The following DACH2 variants were observed in gnomAD, a reference collection of about 807,000 sequenced individuals.
DACH2 encodes dachshund family transcription factor 2.
Under a neutral mutation model 35.8 loss-of-function variants are expected in DACH2, and 17 were observed. The observed-to-expected ratio is 0.48, with a 90% CI of 0.33 to 0.71. The LOEUF (loss-of-function observed/expected upper bound fraction) is 0.71, where lower values mean the gene tolerates loss of function less well. DACH2 is among the 30% of genes least tolerant of loss of function. The probability of loss-of-function intolerance (pLI) is 0.02; values close to 1 mark genes in which losing one functional copy is unlikely to be tolerated. For synonymous variants in DACH2, 195 were observed against 177.3 expected (o/e 1.10, Z -0.79); for missense variants, 469 against 472.7 (o/e 0.99, Z 0.07).
intron 3 of DACH2, among the ~76,000 whole-genome samples, chrX:86,582,589 T>C (rs910803289): frequency 9.0e-6 from 1 of 110,590 alleles, no homozygotes; most frequent in African/African-American, 3.3e-5. Context: ...AGCATCTCTA[T>C]GCACACAACT....
chrX:86,315,838 C>CAGAGAGAGAG (rs1441850166), intron 1 of DACH2, among the ~76,000 whole-genome samples: 7 of 77,052 alleles, frequency 9.1e-5, no homozygotes, highest in African/African-American at 2.7e-4. Flanking sequence ...CACACACACA[C>CAGAGAGAGAG]ACAGAGAGAG....
intron 1 of DACH2, among the ~76,000 whole-genome samples, chrX:86,372,732 C>T (rs761521158): frequency 4.1e-4 from 45 of 110,646 alleles, no homozygotes; most frequent in Non-Finnish European, 6.8e-4. Context: ...GGGTATATTG[C>T]GTGTTGCTGA....
intron 1 of DACH2, among the ~76,000 whole-genome samples, chrX:86,302,504 A>G (rs2034593536): frequency 9.0e-6 from 1 of 110,995 alleles, no homozygotes; most frequent in Non-Finnish European, 1.9e-5. Context: ...GCAATTCTTT[A>G]TTTATATCTT....
chrX:86,472,370 G>A (rs2037773496), intron 2 of DACH2, among the ~76,000 whole-genome samples: 1 of 111,655 alleles, frequency 9.0e-6, no homozygotes, highest in African/African-American at 3.3e-5. Context: ...AGAAAAGGTA[G>A]GGAAATGGAT....
intron 2 of DACH2, among the ~76,000 whole-genome samples, chrX:86,425,898 A>G (rs1454168427): frequency 9.0e-6 from 1 of 111,157 alleles, no homozygotes. Flanking sequence ...GTAGTAGAAG[A>G]ACAAGTGTGC....
At chrX:86,740,899 A>G (rs2041648275) in intron 7 of DACH2, among the ~76,000 whole-genome samples, 1 of 111,247 alleles carries the variant, frequency 9.0e-6, no homozygotes, top group South Asian at 3.8e-4. Flanking sequence ...TTCCTTCTAT[A>G]TAATTCTACT....
chrX:86,543,901 G>A (rs1260176261), intron 3 of DACH2, among the ~76,000 whole-genome samples: 1 of 106,403 alleles, frequency 9.4e-6, no homozygotes, highest in Non-Finnish European at 1.9e-5. Flanking sequence ...CGAGTTAGTG[G>A]GTGCAGCGCA....
chrX:86,444,462 C>T (rs746552745), intron 2 of DACH2, among the ~76,000 whole-genome samples: 109 of 111,462 alleles, frequency 9.8e-4, no homozygotes, highest in African/African-American at 3.3e-3. Context: ...TGATAGTAAA[C>T]CTTTTATTAC....
At chrX:86,392,867 A>T (rs2036225015) in intron 2 of DACH2, among the ~76,000 whole-genome samples, 1 of 111,342 alleles carries the variant, frequency 9.0e-6, no homozygotes, top group Non-Finnish European at 1.9e-5. Flanking sequence ...GTCCTATGCC[A>T]GTGGTTCTCA....
intron 2 of DACH2, among the ~76,000 whole-genome samples, chrX:86,402,869 A>T (rs1210309505): frequency 8.9e-6 from 1 of 112,077 alleles, no homozygotes; most frequent in Non-Finnish European, 1.9e-5. Context: ...GAAAACTAAG[A>T]AATAAATCCA....
chrX:86,368,233 G>A (rs1185929289), intron 1 of DACH2, among the ~76,000 whole-genome samples: 1 of 111,867 alleles, frequency 8.9e-6, no homozygotes, highest in Non-Finnish European at 1.9e-5. Context: ...TGTATACCAG[G>A]AAATCAAGTG....
At chrX:86,663,660 C>T (rs966160783) in intron 4 of DACH2, among the ~76,000 whole-genome samples, 8 of 111,630 alleles carry the variant, frequency 7.2e-5, no homozygotes, top group East Asian at 5.7e-4. Context: ...TCCTAATGAA[C>T]GGTATTTCTA....
rs890048760 is a variant in DACH2 at position 86,420,754 on chromosome X, G to C, written c.527+43892G>C. ...TAACATTTAAAGAACACAAGAAATT[G>C]TAAACGTTTAAAGTTATTTGCTTCA... On this transcript the variant is annotated intron_variant, in intron 2 of 11. Transcript: ENST00000373125. Among the ~76,000 whole-genome samples the C allele has an allele frequency of 2.7e-5, 3 of 111,093 alleles. No individual in the cohort carries two copies. In the Admixed American group the frequency reaches 2.9e-4, roughly 11 times the overall value.
At chrX:86,507,463 CAAAAAAAAAAA>C (rs34617943) in intron 2 of DACH2, among the ~76,000 whole-genome samples, 1 of 47,645 alleles carries the variant, frequency 2.1e-5, no homozygotes, top group Non-Finnish European at 3.8e-5. Context: ...AGTGACCTTT[CAAAAAAAAAAA>C]AAAAAAAAAA....
chrX:86,631,951 T>A (rs1458683624), intron 3 of DACH2, among the ~76,000 whole-genome samples: 8 of 111,182 alleles, frequency 7.2e-5, no homozygotes, highest in Non-Finnish European at 1.5e-4. Flanking sequence ...CATGCATGAA[T>A]GATTAAAAAA....
chrX:86,361,606 T>G (rs949879792), intron 1 of DACH2, among the ~76,000 whole-genome samples: 1 of 111,801 alleles, frequency 8.9e-6, no homozygotes, highest in Non-Finnish European at 1.9e-5. Context: ...ACAGTGAATT[T>G]AATTGATGCC....
intron 1 of DACH2, among the ~76,000 whole-genome samples, chrX:86,260,431 T>G (rs1267416903): frequency 8.9e-6 from 1 of 111,905 alleles, no homozygotes; most frequent in East Asian, 2.8e-4. Context: ...GTCACTGAGC[T>G]GGGTTCTCCG....
intron 3 of DACH2, among the ~76,000 whole-genome samples, chrX:86,591,725 A>T (rs1337858406): frequency 9.1e-6 from 1 of 109,580 alleles, no homozygotes; most frequent in Non-Finnish European, 1.9e-5. Context: ...TTTAGTAGAG[A>T]TGGAGTTTCA....
chrX:86,766,843 AT>A lies in DACH2; in HGVS notation c.1240+26970del, dbSNP rs927192386. Among the ~76,000 whole-genome samples the A allele has an allele frequency of 6.4e-5, 7 of 109,906 alleles. No homozygotes were observed. In the East Asian group the frequency reaches 8.5e-4, roughly 13 times the overall value. On this transcript the variant is annotated intron_variant, in intron 7 of 11. Transcript: ENST00000373125. The stretch of plus-strand genomic sequence containing the variant: ...AGATTCTAAACATCTTGAGTCCAGG[AT>A]TTTTTTTTCTTTTTCCTAGTGGCAT...
Sources: allele counts gnomAD v4.1 joint callset (sites outside exome capture counted in the v4.1 genomes callset), GRCh38; gene constraint gnomAD v4.1.1; transcripts MANE v1.5; gene names NCBI Gene and HGNC (gene_info 2026-07-23, HGNC 2026-07-21).